Variants in CNGB3 observed in about 807,000 individuals in gnomAD.
CNGB3 encodes cyclic nucleotide-gated channel beta-3.
CNGB3 carries 86 observed loss-of-function variants against 92.8 expected under a neutral mutation model. The observed-to-expected ratio is 0.93, with a 90% CI of 0.78 to 1.11. CNGB3 has a LOEUF of 1.11. Among genes scored for constraint, CNGB3 ranks in the 50% least tolerant of loss-of-function variants. The pLI, the probability that CNGB3 is intolerant of heterozygous loss-of-function variation, is 0.00. For missense variants in CNGB3, 1,026 were observed against 956.8 expected, an observed-to-expected ratio of 1.07 and a Z score of -0.95; for synonymous variants, 333 against 332.7, an observed-to-expected ratio of 1.00 and a Z score of -0.01.
chr8:86,617,415 G>T (rs992318753), intron 13 of CNGB3, among the ~76,000 whole-genome samples: 1 of 152,236 alleles, frequency 6.6e-6, no homozygotes, highest in South Asian at 2.1e-4. Context: ...ATTACAAAAA[G>T]ACGTGCTTTG....
chr8:86,653,178 T>C (rs564468464), intron 7 of CNGB3, among the ~76,000 whole-genome samples: 1 of 152,222 alleles, frequency 6.6e-6, no homozygotes, highest in South Asian at 2.1e-4. Flanking sequence ...TTAGTCCTTA[T>C]TCAAACTCAG....
At chr8:86,743,261 A>T (rs1825372282) in intron 1 of CNGB3, among the ~76,000 whole-genome samples, 1 of 152,244 alleles carries the variant, frequency 6.6e-6, no homozygotes, top group Admixed American at 6.5e-5. Flanking sequence ...ATCAGCAATG[A>T]GAAGTCTTAC....
intron 3 of CNGB3, among the ~76,000 whole-genome samples, chr8:86,725,432 T>C (rs1825044032): frequency 6.6e-6 from 1 of 152,198 alleles, no homozygotes; most frequent in Non-Finnish European, 1.5e-5. Context: ...AATAATTAGT[T>C]GTTCTCTTGT....
chr8:86,703,756 G>C (rs966546900), intron 3 of CNGB3, among the ~76,000 whole-genome samples: 1 of 152,062 alleles, frequency 6.6e-6, no homozygotes, highest in African/African-American at 2.4e-5. Context: ...AGCCTCATTC[G>C]GGTCTTATAC....
At chr8:86,689,038 A>G (rs1824246461) in intron 3 of CNGB3, among the ~76,000 whole-genome samples, 1 of 150,110 alleles carries the variant, frequency 6.7e-6, no homozygotes, top group South Asian at 2.1e-4. Flanking sequence ...TTTTTTATTA[A>G]CCCATGGGTC....
At chr8:86,655,989 A>G (rs1424580264) in intron 6 of CNGB3, among the ~76,000 whole-genome samples, 2 of 152,184 alleles carry the variant, frequency 1.3e-5, no homozygotes, top group African/African-American at 4.8e-5. Flanking sequence ...TGCTTGATCA[A>G]TGTTAAAGAT....
At chr8:86,664,968 C>T (rs1018751098) in intron 6 of CNGB3, among the ~76,000 whole-genome samples, 1 of 152,138 alleles carries the variant, frequency 6.6e-6, no homozygotes, top group African/African-American at 2.4e-5. Context: ...GTCCACCAGA[C>T]ACATGGTTGT....
intron 7 of CNGB3, among the ~76,000 whole-genome samples, chr8:86,652,129 C>T (rs1189192842): frequency 6.6e-6 from 1 of 151,896 alleles, no homozygotes; most frequent in Non-Finnish European, 1.5e-5. Flanking sequence ...GTACTGAGTA[C>T]TGTAGGGAAT....
At chr8:86,716,068 TAGAGAAA>T in intron 3 of CNGB3, among the ~76,000 whole-genome samples, 1 of 152,102 alleles carries the variant, frequency 6.6e-6, no homozygotes, top group South Asian at 2.1e-4. Flanking sequence ...AGGACACACT[TAGAGAAA>T]AGCAAAATGC....
chr8:86,665,942 G>C (rs1823733306), intron 6 of CNGB3, among the ~76,000 whole-genome samples: 1 of 152,176 alleles, frequency 6.6e-6, no homozygotes, highest in Non-Finnish European at 1.5e-5. Context: ...TGTAAGTTAG[G>C]TTTTCCCAAA....
At chr8:86,694,102 C>CG (rs1824383202) in intron 3 of CNGB3, among the ~76,000 whole-genome samples, 3 of 97,758 alleles carry the variant, frequency 3.1e-5, no homozygotes, top group Non-Finnish European at 2.1e-5. Context: ...CCCTCCCAGA[C>CG]GGGGCGGCTG....
At chr8:86,694,516 G>T (rs1359649373) in intron 3 of CNGB3, among the ~76,000 whole-genome samples, 1 of 151,256 alleles carries the variant, frequency 6.6e-6, no homozygotes, top group East Asian at 2.0e-4. Context: ...GGCGGCTGCC[G>T]GGTGGCGGGA....
rs779511288 is a variant in CNGB3 at position 86,743,582 on chromosome 8, C to T, written c.46G>A (p.Glu16Lys). 5.6e-6 allele frequency: 9 copies of T among 1,614,016 alleles called. No homozygotes were observed. The highest frequency in any genetic ancestry group is 7.6e-6 in the Non-Finnish European group (9 of 1,179,900). ...TKVNKVKPIGENNENEQSSRR... is the reference protein window; with the variant it reads ...TKVNKVKPIGKNNENEQSSRR... ...GAACTTTGTTCATTCTCATTGTTCT[C>T]TCCTATAGGCTTCACCTTGTTGACT... Residue 16 changes from glutamate (E) to lysine (K), a missense_variant, in exon 1 of 18, where the codon GAG (glutamate) becomes AAG (lysine). By Grantham distance (56) the Glu-to-Lys change is moderately conservative. Transcript: ENST00000320005.
chr8:86,709,184 T>C (rs1586029610), intron 3 of CNGB3, among the ~76,000 whole-genome samples: 1 of 152,054 alleles, frequency 6.6e-6, no homozygotes, highest in African/African-American at 2.4e-5. Context: ...ACAAAGGAGG[T>C]GGCCTTAGAT....
chr8:86,652,097 T>C (rs1823414697), intron 7 of CNGB3, among the ~76,000 whole-genome samples: 1 of 151,978 alleles, frequency 6.6e-6, no homozygotes, highest in Non-Finnish European at 1.5e-5. Context: ...TATTATTGTA[T>C]GTTACTGTAC....
chr8:86,682,477 G>A (rs1824099708), intron 3 of CNGB3, among the ~76,000 whole-genome samples: 1 of 152,178 alleles, frequency 6.6e-6, no homozygotes, highest in South Asian at 2.1e-4. Context: ...CAGGGGGATT[G>A]TAGAAGTACT....
At position 86,686,140 on chromosome 8, in the gene CNGB3, T is replaced by G. The variant is rs1009203475; in HGVS notation, c.339-15042A>C. 7.2e-5 allele frequency among the ~76,000 whole-genome samples: 11 copies of G among 152,096 alleles called. 1 individual carries two copies. The highest frequency in any genetic ancestry group is 6.6e-4 in the Admixed American group (10 of 15,248). ...AGGTAGGCTACTCTCCTGATGAACA[T>G]TGTCATCAAATTTTACGGTCCAAAT... On this transcript the variant is annotated intron_variant, in intron 3 of 17. Coordinates refer to ENST00000320005, the MANE Select transcript of CNGB3 (RefSeq NM_019098.5).
Position 86,595,558 on chromosome 8 carries a change from C to T in CNGB3, c.1781+8535G>A, listed in dbSNP as rs372064919. On this transcript the variant is annotated intron_variant, in intron 15 of 17. Coordinates refer to ENST00000320005, the MANE Select transcript of CNGB3 (RefSeq NM_019098.5). ...TGTAGTGAAAATGTAAATATGTACT[C>T]TTAACACAGGTAGTGCTTACAGGTT... Among the ~76,000 whole-genome samples, 10 of 152,270 alleles carry T rather than the reference C, an allele frequency of 6.6e-5. No individual in the cohort carries two copies. In the East Asian group the frequency reaches 1.2e-3, roughly 18 times the overall value.
At position 86,670,097 on chromosome 8, in the gene CNGB3, C is replaced by A. The variant is rs144238556; in HGVS notation, c.493+847G>T. On this transcript the variant is annotated intron_variant, in intron 4 of 17. Coordinates refer to ENST00000320005, the MANE Select transcript of CNGB3 (RefSeq NM_019098.5). ...TCTCCTGACCTCGTGATCTGCCTGC[C>A]TCGGCCTCCCAAAGGGCTAGGATTA... 4.3e-3 allele frequency among the ~76,000 whole-genome samples: 661 copies of A among 152,244 alleles called. 3 individuals are homozygous for A. The highest frequency in any genetic ancestry group is 0.01 in the Middle Eastern group (3 of 294).
Sources: gnomAD v4.1 joint callset for allele counts (sites outside exome capture counted in the v4.1 genomes callset) on GRCh38, gnomAD v4.1.1 for gene constraint, MANE v1.5 for transcripts, NCBI Gene and HGNC (gene_info 2026-07-23, HGNC 2026-07-21) for gene names.